Variants in DYNC1LI1 observed in about 807,000 individuals in gnomAD.
DYNC1LI1 encodes the protein dynein cytoplasmic 1 light intermediate chain 1.
In DYNC1LI1, 19 loss-of-function variants were observed where a neutral mutation model predicts 63.8. That is an observed-to-expected ratio of 0.30 (90% CI 0.21 to 0.44). The LOEUF is 0.44. DYNC1LI1 is among the 20% of genes least tolerant of loss of function. DYNC1LI1 has a pLI of 1.00. For missense variants in DYNC1LI1, 565 were observed against 630.2 expected (o/e 0.90, Z 1.11); for synonymous variants, 225 against 232.3 (o/e 0.97, Z 0.28).
At chr3:32,552,696 C>CTGTTGT (rs537165508) in intron 2 of DYNC1LI1, among the ~76,000 whole-genome samples, 9 of 151,906 alleles carry the variant, frequency 5.9e-5, no homozygotes, top group Non-Finnish European at 8.8e-5. Context: ...TATACTTTTG[C>CTGTTGT]TGTTGTTGTT....
At chr3:32,541,302 C>A in intron 4 of DYNC1LI1, 96 bp from the exon 5 acceptor site, 1 of 797,154 alleles carries the variant, frequency 1.3e-6, no homozygotes, top group Non-Finnish European at 1.9e-6. Context: ...CGAATTTATA[C>A]TTAGTCTTGT....
intron 5 of DYNC1LI1, among the ~76,000 whole-genome samples, chr3:32,537,903 A>AT (rs1491005170): frequency 1.9e-5 from 1 of 51,882 alleles, no homozygotes; most frequent in Non-Finnish European, 3.6e-5. Flanking sequence ...TATATATAAT[A>AT]TATATATATA....
At chr3:32,537,950 T>TTTATATATATA (rs1697805753) in intron 5 of DYNC1LI1, among the ~76,000 whole-genome samples, 2 of 5,834 alleles carry the variant, frequency 3.4e-4, no homozygotes, top group Non-Finnish European at 5.5e-4. Context: ...ATATATATAA[T>TTTATATATATA]TTATATATAT....
At chr3:32,561,285 T>C (rs1239196275) in intron 2 of DYNC1LI1, among the ~76,000 whole-genome samples, 1 of 151,656 alleles carries the variant, frequency 6.6e-6, no homozygotes, top group African/African-American at 2.4e-5. Context: ...AAATGAATAA[T>C]ACTTAGTATT....
rs114456287 is a variant in DYNC1LI1 at position 32,533,774 on chromosome 3, C to G, written c.969-677G>C. Among the ~76,000 whole-genome samples the G allele has an allele frequency of 8.0e-3, 1,218 of 151,668 alleles. 13 individuals are homozygous for G. The highest frequency in any genetic ancestry group is 0.028 in the African/African-American group (1,153 of 41,344). On this transcript the variant is annotated intron_variant, in intron 7 of 12. Transcript: ENST00000273130. ...ATGGGGTCTCACGATGTTGCTCAGG[C>G]TAGTCTTGGGCTCTTGGGCTCAAAT...
At chr3:32,556,477 A>T (rs1698116091) in intron 2 of DYNC1LI1, among the ~76,000 whole-genome samples, 1 of 152,172 alleles carries the variant, frequency 6.6e-6, no homozygotes, top group East Asian at 1.9e-4. Context: ...AAATAGAGAA[A>T]CCATGTCTTA....
At chr3:32,553,551 T>G (rs1161869311) in intron 2 of DYNC1LI1, among the ~76,000 whole-genome samples, 2 of 152,218 alleles carry the variant, frequency 1.3e-5, no homozygotes, top group Admixed American at 6.5e-5. Flanking sequence ...AAAGTCAACA[T>G]GTCTCCACAC....
intron 2 of DYNC1LI1, among the ~76,000 whole-genome samples, chr3:32,561,444 C>T (rs1000339860): frequency 1.3e-5 from 2 of 150,990 alleles, no homozygotes; most frequent in Non-Finnish European, 3.0e-5. Context: ...CTGGCTAACA[C>T]AGCGAAACCC....
rs1188251390 is a variant in DYNC1LI1 at position 32,530,540 on chromosome 3, A to G, written c.1081-20T>C. On this transcript the variant is annotated intron_variant, in intron 8 of 12. Transcript: ENST00000273130. ...TACAAACTGAAATGAGCAATGCACAAATGAGCAAATTTAATATATTATGCT... is the reference window on the plus strand; with the variant it reads ...TACAAACTGAAATGAGCAATGCACAGATGAGCAAATTTAATATATTATGCT... 1 of 1,597,292 alleles carries G rather than the reference A, an allele frequency of 6.3e-7. No individual in the cohort carries two copies. The highest frequency in any genetic ancestry group is 1.3e-5 in the African/African-American group (1 of 74,680).
intron 3 of DYNC1LI1, chr3:32,545,566 C>A: frequency 2.6e-6 from 1 of 389,678 alleles, no homozygotes. Flanking sequence ...GTCAACAAAA[C>A]AATCACTATC....
intron 2 of DYNC1LI1, among the ~76,000 whole-genome samples, chr3:32,548,779 T>C (rs1697993477): frequency 1.3e-5 from 2 of 152,186 alleles, no homozygotes; most frequent in South Asian, 4.1e-4. Flanking sequence ...TGTGAGGTAA[T>C]ACATATGTTA....
Position 32,570,844 on chromosome 3 carries a change from C to T in DYNC1LI1, c.-74G>A. ...GCTGAGGCGGTGGCGGTGGAGGCGG[C>T]GGGAACCCGGATATGGGGCGTTCAG... On this transcript the variant is annotated 5_prime_UTR_variant, in exon 1 of 13. Coordinates refer to ENST00000273130, the MANE Select transcript of DYNC1LI1 (RefSeq NM_016141.4). 3 of 1,471,946 alleles carry T rather than the reference C, an allele frequency of 2.0e-6. No individual in the cohort carries two copies. Among genetic ancestry groups the T allele is most frequent in the African/African-American group, 1.4e-5 (1 of 69,938 alleles). 91.2% of individuals were successfully genotyped at this position (1,471,946 alleles called of 1,614,324 possible). A position where few individuals can be genotyped will look rare whatever the true frequency, so the allele number is the denominator to read the frequency against.
Position 32,537,102 on chromosome 3 carries a change from A to C in DYNC1LI1, c.741T>G (p.Cys247Trp). ...CTTTCTCCAATACACTAATGGCATC[A>C]CACTGTTAAGTTAAAATAATTAAAA... The part of the protein sequence containing the change: ...GIPVLVVCTK[C>W]DAISVLEKEH... The change falls in exon 6 of 13, where the codon TGT becomes TGG. Residue 247 changes from cysteine to tryptophan, a missense_variant and splice_region_variant. Transcript: ENST00000273130. 1 of 1,521,110 alleles carries C rather than the reference A, an allele frequency of 6.6e-7. No individual in the cohort carries two copies. The highest frequency in any genetic ancestry group is 8.9e-7 in the Non-Finnish European group (1 of 1,120,894). 94.2% of individuals were successfully genotyped at this position (1,521,110 alleles called of 1,614,324 possible). A position where few individuals can be genotyped will look rare whatever the true frequency, so the allele number is the denominator to read the frequency against.
At chr3:32,542,072 TG>T (rs1411291368) in intron 4 of DYNC1LI1, among the ~76,000 whole-genome samples, 2 of 152,214 alleles carry the variant, frequency 1.3e-5, no homozygotes, top group Admixed American at 1.3e-4. Flanking sequence ...GGCCAACGTA[TG>T]ATTCCAGCTT....
chr3:32,529,591 T>C lies in DYNC1LI1; in HGVS notation c.1255A>G (p.Ser419Gly), dbSNP rs1184847801. The C allele has an allele frequency of 1.2e-6, 2 of 1,610,412 alleles. No homozygotes were observed. The highest frequency in any genetic ancestry group is 1.7e-6 in the Non-Finnish European group (2 of 1,178,566). Reference sequence around the variant, plus strand: ...GACCCAGCAGGAATGGGTGACACGCTGGCAACATTAGATGATACAGATCTA... The same window carrying C: ...GACCCAGCAGGAATGGGTGACACGCCGGCAACATTAGATGATACAGATCTA... ...PNRSVSSNVA[S>G]VSPIPAGSKK... is the part of the protein sequence containing the mutation. Residue 419 changes from serine (S) to glycine (G), a missense_variant, in exon 11 of 13, where the codon AGC (serine) becomes GGC (glycine). Physicochemically the swap from Ser to Gly is moderately conservative, Grantham distance 56. Transcript: ENST00000273130.
intron 6 of DYNC1LI1, among the ~76,000 whole-genome samples, chr3:32,536,209 T>C (rs764615468): frequency 2.6e-5 from 4 of 152,200 alleles, no homozygotes; most frequent in Admixed American, 6.5e-5. Flanking sequence ...TTATAATTTG[T>C]AGACACCATA....
intron 12 of DYNC1LI1, among the ~76,000 whole-genome samples, chr3:32,527,126 C>T (rs1243448805): frequency 6.6e-6 from 1 of 151,908 alleles, no homozygotes. Flanking sequence ...AGGATCACTT[C>T]AAGTCAGGAG....
intron 4 of DYNC1LI1, among the ~76,000 whole-genome samples, chr3:32,544,147 C>A (rs969922130): frequency 6.6e-6 from 1 of 152,118 alleles, no homozygotes; most frequent in Non-Finnish European, 1.5e-5. Flanking sequence ...ATAAAAATCT[C>A]CAATTCACAT....
intron 2 of DYNC1LI1, among the ~76,000 whole-genome samples, chr3:32,565,646 G>A (rs553535477): frequency 2.6e-5 from 4 of 152,084 alleles, no homozygotes; most frequent in African/African-American, 4.8e-5. Context: ...AGTTTCACTC[G>A]TCACCCAGGC....
Sources: gnomAD v4.1 joint callset for allele counts (sites outside exome capture counted in the v4.1 genomes callset) on GRCh38, gnomAD v4.1.1 for gene constraint, MANE v1.5 for transcripts, NCBI Gene and HGNC (gene_info 2026-07-23, HGNC 2026-07-21) for gene names.